STX8: variants seen among roughly 807,000 people sequenced by gnomAD.
STX8 encodes the protein syntaxin-8.
A neutral mutation model predicts 37.5 loss-of-function variants in STX8; 23 were observed. The observed-to-expected ratio is 0.61, with a 90% CI of 0.44 to 0.87. The LOEUF (loss-of-function observed/expected upper bound fraction) is 0.87, where lower values mean the gene tolerates loss of function less well. STX8 is among the 40% of genes least tolerant of loss of function. STX8 has a pLI of 0.00. For synonymous variants in STX8, 115 were observed against 99.1 expected (o/e 1.16, Z -0.95); for missense variants, 313 against 284.7 (o/e 1.10, Z -0.71).
At chr17:9,486,630 T>C (rs1337123227) in intron 6 of STX8, among the ~76,000 whole-genome samples, 1 of 151,784 alleles carries the variant, frequency 6.6e-6, no homozygotes, top group Non-Finnish European at 1.5e-5. Context: ...GTGGGAGGAT[T>C]GCTTGAGCTC....
At chr17:9,258,031 C>T (rs1283104496) in intron 7 of STX8, among the ~76,000 whole-genome samples, 2 of 152,204 alleles carry the variant, frequency 1.3e-5, no homozygotes, top group Non-Finnish European at 2.9e-5. Context: ...TTTTGTTTGC[C>T]TCGCTTTTCA....
intron 7 of STX8, among the ~76,000 whole-genome samples, chr17:9,305,125 G>A (rs1382826113): frequency 1.3e-5 from 2 of 151,710 alleles, no homozygotes; most frequent in Admixed American, 6.6e-5. Flanking sequence ...ATGGAGTCTC[G>A]CTCTGTTGCC....
chr17:9,277,261 C>G (rs1476385597), intron 7 of STX8, among the ~76,000 whole-genome samples: 1 of 152,142 alleles, frequency 6.6e-6, no homozygotes, highest in Non-Finnish European at 1.5e-5. Context: ...GAGAATGTCC[C>G]TACCGCTATT....
chr17:9,258,741 T>C (rs919580806), intron 7 of STX8, among the ~76,000 whole-genome samples: 3 of 152,224 alleles, frequency 2.0e-5, no homozygotes, highest in Non-Finnish European at 4.4e-5. Flanking sequence ...CAGGTTTTTC[T>C]TTCTCTGTAT....
chr17:9,338,032 G>A (rs1910193893), intron 7 of STX8, among the ~76,000 whole-genome samples: 1 of 150,486 alleles, frequency 6.6e-6, no homozygotes, highest in African/African-American at 2.5e-5. Context: ...TGAGGGCTTT[G>A]GGGCACCTCT....
At chr17:9,468,755 GA>G (rs541244131) in intron 6 of STX8, among the ~76,000 whole-genome samples, 34 of 152,288 alleles carry the variant, frequency 2.2e-4, no homozygotes, top group African/African-American at 8.2e-4. Context: ...TCCAATGACT[GA>G]TCAAGGCTGG....
At chr17:9,499,610 G>A (rs1904537198) in intron 5 of STX8, among the ~76,000 whole-genome samples, 1 of 152,156 alleles carries the variant, frequency 6.6e-6, no homozygotes, top group Admixed American at 6.5e-5. Flanking sequence ...ATGTTGGCCA[G>A]GATGGTCTCG....
intron 4 of STX8, among the ~76,000 whole-genome samples, chr17:9,506,115 C>G (rs570805312): frequency 6.6e-6 from 1 of 152,174 alleles, no homozygotes; most frequent in South Asian, 2.1e-4. Context: ...CTGCACGAGA[C>G]CAGTTGGTCT....
intron 6 of STX8, among the ~76,000 whole-genome samples, chr17:9,379,546 G>A (rs961906855): frequency 3.9e-5 from 6 of 152,190 alleles, no homozygotes; most frequent in South Asian, 4.1e-4. Flanking sequence ...TTCATCTCTC[G>A]CAACGAGGCA....
At chr17:9,475,492 C>A (rs1906061047) in intron 6 of STX8, among the ~76,000 whole-genome samples, 1 of 152,128 alleles carries the variant, frequency 6.6e-6, no homozygotes, top group Non-Finnish European at 1.5e-5. Flanking sequence ...AACAGCTGAG[C>A]CAGTCTGCCC....
At chr17:9,470,376 T>A (rs1202252993) in intron 6 of STX8, among the ~76,000 whole-genome samples, 1 of 152,240 alleles carries the variant, frequency 6.6e-6, no homozygotes, top group Non-Finnish European at 1.5e-5. Context: ...ACTTCCTTCC[T>A]GCTGCTTTGG....
At chr17:9,485,771 A>G (rs746266182) in intron 6 of STX8, among the ~76,000 whole-genome samples, 7 of 152,008 alleles carry the variant, frequency 4.6e-5, no homozygotes, top group Non-Finnish European at 1.0e-4. Flanking sequence ...TTTTTAGTAG[A>G]GACGGGGTTT....
chr17:9,451,600 C>T (rs1282582032), intron 6 of STX8, among the ~76,000 whole-genome samples: 1 of 151,948 alleles, frequency 6.6e-6, no homozygotes, highest in Non-Finnish European at 1.5e-5. Context: ...TATATATGTC[C>T]AAATTATTTT....
chr17:9,262,989 A>G (rs996930319), intron 7 of STX8, among the ~76,000 whole-genome samples: 1 of 152,204 alleles, frequency 6.6e-6, no homozygotes, highest in Non-Finnish European at 1.5e-5. Context: ...TAATTGGAAA[A>G]ACATAAAAGT....
At chr17:9,333,422 C>T (rs918402246) in intron 7 of STX8, among the ~76,000 whole-genome samples, 3 of 152,186 alleles carry the variant, frequency 2.0e-5, no homozygotes, top group Non-Finnish European at 4.4e-5. Flanking sequence ...GAGTCTTGCT[C>T]TGTCACCCAG....
At chr17:9,283,316 G>A (rs1420111206) in intron 7 of STX8, 1 of 152,310 alleles carries the variant, frequency 6.6e-6, no homozygotes, top group African/African-American at 2.4e-5. Flanking sequence ...GCTGAGGTGG[G>A]CGGATCACAA....
At chr17:9,333,286 T>G (rs1344487923) in intron 7 of STX8, among the ~76,000 whole-genome samples, 1 of 152,212 alleles carries the variant, frequency 6.6e-6, no homozygotes, top group Non-Finnish European at 1.5e-5. Context: ...ATGTCTTTTG[T>G]TCCCATCTTT....
At chr17:9,328,821 G>A (rs1186818828) in intron 7 of STX8, among the ~76,000 whole-genome samples, 2 of 152,032 alleles carry the variant, frequency 1.3e-5, no homozygotes, top group African/African-American at 2.4e-5. Context: ...AGGCTGAGAC[G>A]GGTGGATCAC....
At chr17:9,280,833 A>T (rs949419046) in intron 7 of STX8, among the ~76,000 whole-genome samples, 21 of 152,334 alleles carry the variant, frequency 1.4e-4, no homozygotes, top group African/African-American at 4.8e-4. Context: ...CTCAATCTGC[A>T]GGCAAGGAAA....
Sources: allele counts gnomAD v4.1 joint callset (sites outside exome capture counted in the v4.1 genomes callset), GRCh38; gene constraint gnomAD v4.1.1; transcripts MANE v1.5; gene names NCBI Gene and HGNC (gene_info 2026-07-23, HGNC 2026-07-21).